Variants in ADGRA2 observed in about 807,000 individuals in gnomAD.
ADGRA2 encodes G-protein coupled receptor 124.
Under a neutral mutation model 98.7 loss-of-function variants are expected in ADGRA2, and 61 were observed. The observed-to-expected ratio is 0.62, with a 90% CI of 0.50 to 0.76. The LOEUF (loss-of-function observed/expected upper bound fraction) is 0.76. Ranked by LOEUF, ADGRA2 falls within the 30% of genes least tolerant of loss-of-function variation. The pLI is 0.00. For missense variants in ADGRA2, 1,712 were observed against 1,860.0 expected (o/e 0.92, Z 1.46); for synonymous variants, 858 against 831.5 (o/e 1.03, Z -0.55).
In ADGRA2 at chr8:37,819,730, G is replaced by A. The variant is rs993739770; in HGVS notation, c.338+4763G>A. On this transcript the variant is annotated intron_variant, in intron 2 of 18. Coordinates refer to ENST00000412232, the MANE Select transcript of ADGRA2 (RefSeq NM_032777.10). ...CTGTCACCCAGTCTGGAGTGCAGTG[G>A]CACAATCTTGGCTCACTGCAACCTC... 7.3e-5 allele frequency among the ~76,000 whole-genome samples: 11 copies of A among 151,564 alleles called. No individual in the cohort carries two copies. In the South Asian group the frequency reaches 2.3e-3, roughly 32 times the overall value.
intron 1 of ADGRA2, among the ~76,000 whole-genome samples, chr8:37,810,307 G>A (rs1337428189): frequency 1.3e-5 from 2 of 151,628 alleles, no homozygotes; most frequent in East Asian, 2.0e-4. Context: ...TCAAGAGATC[G>A]AGACCATCCT....
In ADGRA2 at chr8:37,829,506, C is replaced by T. The variant is rs777832624; in HGVS notation, c.501C>T (p.Ile167=). ...CCTGCAGAAACATATCTGGAAACAT[C>T]TTCTCCAGTCTGCAACCTGGGGTCT... is the stretch of plus-strand genomic sequence containing the variant. ...RLLRLNISGN[I]FSSLQPGVFD... Residue 167 remains isoleucine, a synonymous_variant, in exon 5 of 19, where the codon ATC becomes ATT. Transcript: ENST00000412232. The T allele has an allele frequency of 1.9e-6, 3 of 1,613,148 alleles. No individual in the cohort carries two copies. The highest frequency in any genetic ancestry group is 2.7e-5 in the African/African-American group (2 of 74,906).
intron 2 of ADGRA2, among the ~76,000 whole-genome samples, chr8:37,828,560 C>T (rs1316771324): frequency 1.4e-5 from 2 of 146,090 alleles, no homozygotes; most frequent in East Asian, 4.1e-4. Context: ...GATCTTGGCT[C>T]CCTGCAGCCT....
rs759090049 is a variant in ADGRA2 at position 37,841,682 on chromosome 8, C to T, written c.3344C>T (p.Pro1115Leu). 6.5e-7 allele frequency: 1 copy of T among 1,532,552 alleles called. No individual in the cohort carries two copies. The highest frequency in any genetic ancestry group is 1.4e-5 in the African/African-American group (1 of 72,424). The allele number at this position is 1,532,552 out of a possible 1,614,324, so 94.9% of individuals were successfully genotyped here. A position where few individuals can be genotyped will look rare whatever the true frequency, so the allele number is the denominator to read the frequency against. Residue 1115 changes from proline (P) to leucine (L), a missense_variant, in exon 19 of 19, where the codon CCC (proline) becomes CTC (leucine). Coordinates refer to ENST00000412232, the MANE Select transcript of ADGRA2 (RefSeq NM_032777.10). This position sits in a 1 kb window ranked among gnomAD's most constrained non-coding sequence, Gnocchi z 5.0. ...DGSPVFGEGPPSLKSSPSGSS... is the reference protein window; with the variant it reads ...DGSPVFGEGPLSLKSSPSGSS... ...TCCCCGGTGTTCGGGGAGGGCCCCC[C>T]CTCCCTCAAGTCCTCCCCAAGCGGC... is the stretch of plus-strand genomic sequence containing the variant.
intron 2 of ADGRA2, among the ~76,000 whole-genome samples, chr8:37,822,126 A>G (rs1333357541): frequency 6.6e-6 from 1 of 152,106 alleles, no homozygotes; most frequent in Non-Finnish European, 1.5e-5. Context: ...GTGGATTGTT[A>G]TCAGAGACAA....
chr8:37,815,946 C>T (rs1804967158), intron 2 of ADGRA2, among the ~76,000 whole-genome samples: 1 of 152,174 alleles, frequency 6.6e-6, no homozygotes, highest in Admixed American at 6.6e-5. Flanking sequence ...CCCATCTCTG[C>T]TCTCATCCTG....
chr8:37,833,840 G>A lies in ADGRA2; in HGVS notation c.1446+3G>A. On this transcript the variant is annotated splice_donor_region_variant and intron_variant, in intron 10 of 18. Transcript: ENST00000412232. Reference sequence around the variant, plus strand: ...GTTATGTCGACCAGATCAAAGAGGTGAGACTCAGCTGGAACTCAGGAGCTC... The same window carrying A: ...GTTATGTCGACCAGATCAAAGAGGTAAGACTCAGCTGGAACTCAGGAGCTC... The A allele has an allele frequency of 6.2e-7, 1 of 1,613,944 alleles. No homozygotes were observed. The highest frequency in any genetic ancestry group is 1.1e-5 in the South Asian group (1 of 91,074).
chr8:37,839,364 T>C (rs1805722225), intron 15 of ADGRA2, 135 bp from the exon 16 acceptor site: 1 of 1,470,062 alleles, frequency 6.8e-7, no homozygotes, highest in Non-Finnish European at 9.1e-7. Context: ...CCCTACCCTA[T>C]GGCCTCTGTC....
intron 2 of ADGRA2, among the ~76,000 whole-genome samples, chr8:37,827,010 C>G (rs1399020251): frequency 1.3e-5 from 2 of 152,178 alleles, no homozygotes; most frequent in African/African-American, 4.8e-5. Flanking sequence ...ACAGGGGGCC[C>G]CCACCCTTGC....
chr8:37,802,544 C>T lies in ADGRA2; in HGVS notation c.266+5010C>T, dbSNP rs575716132. ...GAGACTCCAGCACCCACTCCCCTCC[C>T]CACCCAGGGGTGCAGGTCTTAGCTG... is the stretch of plus-strand genomic sequence containing the variant. On this transcript the variant is annotated intron_variant, in intron 1 of 18. Coordinates refer to ENST00000412232, the MANE Select transcript of ADGRA2 (RefSeq NM_032777.10). This position sits in a 1 kb window ranked among gnomAD's most constrained non-coding sequence, Gnocchi z 4.7. 6.6e-6 allele frequency among the ~76,000 whole-genome samples: 1 copy of T among 152,284 alleles called. No individual in the cohort carries two copies. The highest frequency in any genetic ancestry group is 2.4e-5 in the African/African-American group (1 of 41,556).
rs1805905771 is a variant in ADGRA2 at position 37,844,298 on chromosome 8, T to C, written c.*1943T>C. On this transcript the variant is annotated 3_prime_UTR_variant, in exon 19 of 19. Transcript: ENST00000412232. ...TCCCACACCAAGGGATGGGAATCTC[T>C]CCTACCTATAGTCATCCCTGCACTC... 3.1e-6 allele frequency: 2 copies of C among 649,344 alleles called. No homozygotes were observed. The highest frequency in any genetic ancestry group is 5.3e-6 in the Non-Finnish European group (2 of 375,000). The allele number at this position is 649,344 out of a possible 1,614,324, so 40.2% of individuals were successfully genotyped here. A position where few individuals can be genotyped will look rare whatever the true frequency, so the allele number is the denominator to read the frequency against.
In ADGRA2 at chr8:37,840,856, A is replaced by AGGCC; in HGVS notation, c.2747+7_2747+8insGGCC. 2.7e-6 allele frequency: 4 copies of AGGCC among 1,483,336 alleles called. No individual in the cohort carries two copies. Among genetic ancestry groups the AGGCC allele is most frequent in the Middle Eastern group, 2.3e-4 (1 of 4,378 alleles). 91.9% of individuals were successfully genotyped at this position (1,483,336 alleles called of 1,614,324 possible). On this transcript the variant is annotated splice_region_variant and intron_variant, in intron 18 of 18. Coordinates refer to ENST00000412232, the MANE Select transcript of ADGRA2 (RefSeq NM_032777.10). ...ACCGGGACCACAGCCCCTAGTGAGCACCCCTCCCTCCCGCCCCAAGCCTAC... is the reference window on the plus strand; with the variant it reads ...ACCGGGACCACAGCCCCTAGTGAGCAGGCCCCCCTCCCTCCCGCCCCAAGCCTAC...
chr8:37,798,016 T>C (rs979297586), intron 1 of ADGRA2, among the ~76,000 whole-genome samples: 17 of 152,184 alleles, frequency 1.1e-4, no homozygotes, highest in Admixed American at 6.5e-5. Flanking sequence ...GTCCCTTCAA[T>C]TGGGGTCATC....
intron 2 of ADGRA2, among the ~76,000 whole-genome samples, chr8:37,827,862 G>GGT (rs1325364840): frequency 6.6e-6 from 1 of 152,200 alleles, no homozygotes; most frequent in African/African-American, 2.4e-5. Flanking sequence ...GGCCAAGCGC[G>GGT]GTGGCTCACA....
Position 37,834,271 on chromosome 8 carries a change from C to A in ADGRA2, c.1608+143C>A. On this transcript the variant is annotated intron_variant, in intron 11 of 18. Transcript: ENST00000412232. The surrounding 1 kb of genome is among the most constrained non-coding windows in gnomAD (Gnocchi z 4.2). ...GCCATGGGGTTCACTTCCAAGTTGT[C>A]AGGGGCAGTGCTAAGGAGAGGTGGC... 1 of 812,950 alleles carries A rather than the reference C, an allele frequency of 1.2e-6. No homozygotes were observed. Among genetic ancestry groups the A allele is most frequent in the Non-Finnish European group, 1.9e-6 (1 of 528,476 alleles). 50.4% of individuals were successfully genotyped at this position (812,950 alleles called of 1,614,324 possible). A position where few individuals can be genotyped will look rare whatever the true frequency, so the allele number is the denominator to read the frequency against.
At position 37,841,405 on chromosome 8, in the gene ADGRA2, G is replaced by A. The variant is rs755354731; in HGVS notation, c.3067G>A (p.Val1023Met). Residue 1023 changes from valine to methionine, a missense_variant, in exon 19 of 19, where the codon GTG becomes ATG. Physicochemically the swap from Val to Met is conservative, Grantham distance 21 (BLOSUM62 1). Transcript: ENST00000412232. This position sits in a 1 kb window ranked among gnomAD's most constrained non-coding sequence, Gnocchi z 5.0. ...TCCGGGAGTCCAGCTAGGGGCGCTG[G>A]TGACCACGCACTTCCTGTACTTGGC... The part of the protein sequence containing the change: ...YSPGVQLGAL[V>M]TTHFLYLAMW... 6.2e-7 allele frequency: 1 copy of A among 1,612,764 alleles called. No homozygotes were observed. The highest frequency in any genetic ancestry group is 8.5e-7 in the Non-Finnish European group (1 of 1,179,812).
intron 3 of ADGRA2, 30 bp from the exon 4 acceptor site, chr8:37,829,231 A>C (rs6468442): frequency 6.3e-7 from 1 of 1,586,488 alleles, no homozygotes; most frequent in South Asian, 1.1e-5. Context: ...CCACGTGGCC[A>C]ACATGCTGAG....
Position 37,837,908 on chromosome 8 carries a change from G to T in ADGRA2, c.2228G>T (p.Cys743Phe). Residue 743 changes from cysteine (C) to phenylalanine (F), a missense_variant, in exon 14 of 19, where the codon TGC becomes TTC. Transcript: ENST00000412232. ...CAGCCCAATGTCAGCGCCCTGCACT[G>T]CCAGCACTTGGGCAATGTGGCCGTG... is the stretch of plus-strand genomic sequence containing the variant. Reference protein sequence around the residue: ...SSQPNVSALHCQHLGNVAVLM... With the variant: ...SSQPNVSALHFQHLGNVAVLM... 6.8e-7 allele frequency: 1 copy of T among 1,470,264 alleles called. No homozygotes were observed. The highest frequency in any genetic ancestry group is 9.0e-7 in the Non-Finnish European group (1 of 1,109,742). The allele number at this position is 1,470,264 out of a possible 1,614,324, so 91.1% of individuals were successfully genotyped here. A position where few individuals can be genotyped will look rare whatever the true frequency, so the allele number is the denominator to read the frequency against.
Position 37,797,548 on chromosome 8 carries a change from C to T in ADGRA2, c.266+14C>T. ...CACCGTTACCCTGTGAGTACCCTACCAGGCCAGTTCCGTCCGAGCCGGGAC... is the reference window on the plus strand; with the variant it reads ...CACCGTTACCCTGTGAGTACCCTACTAGGCCAGTTCCGTCCGAGCCGGGAC... On this transcript the variant is annotated intron_variant, in intron 1 of 18. Coordinates refer to ENST00000412232, the MANE Select transcript of ADGRA2 (RefSeq NM_032777.10). The surrounding 1 kb of genome is among the most constrained non-coding windows in gnomAD (Gnocchi z 5.3). 3 of 1,362,906 alleles carry T rather than the reference C, an allele frequency of 2.2e-6. No homozygotes were observed. In the South Asian group the frequency reaches 6.1e-5, roughly 28 times the overall value. 84.4% of individuals were successfully genotyped at this position (1,362,906 alleles called of 1,614,324 possible).
Sources: allele counts gnomAD v4.1 joint callset (sites outside exome capture counted in the v4.1 genomes callset), GRCh38; gene constraint gnomAD v4.1.1; non-coding constraint Gnocchi (gnomAD v3.1); transcripts MANE v1.5; gene names NCBI Gene and HGNC (gene_info 2026-07-23, HGNC 2026-07-21).